The following HIVEP3 variants were observed in gnomAD, a reference collection of about 807,000 sequenced individuals.
The protein encoded by HIVEP3 is HIVEP zinc finger 3.
In HIVEP3, 49 loss-of-function variants were observed where a neutral mutation model predicts 152.8. That is an observed-to-expected ratio of 0.32 (90% confidence interval 0.26 to 0.41). The LOEUF is 0.41. HIVEP3 is among the 10% of genes least tolerant of loss of function. The pLI, the probability that HIVEP3 is intolerant of heterozygous loss-of-function variation, is 1.00. For missense variants in HIVEP3, 2,790 were observed against 3,103.3 expected, an observed-to-expected ratio of 0.90 and a Z score of 2.40; for synonymous variants, 1,269 against 1,289.0, an observed-to-expected ratio of 0.98 and a Z score of 0.33.
chr1:41,943,049 G>A (rs1004081254), intron 1 of HIVEP3, among the ~76,000 whole-genome samples: 11 of 152,192 alleles, frequency 7.2e-5, no homozygotes, highest in Admixed American at 2.0e-4. Context: ...ACAGGCGCCC[G>A]CCATCACGCC....
At chr1:41,814,024 C>T (rs538614985) in intron 1 of HIVEP3, among the ~76,000 whole-genome samples, 9 of 152,350 alleles carry the variant, frequency 5.9e-5, no homozygotes, top group South Asian at 2.1e-4. Context: ...CACCCCTACA[C>T]GGTCCATCCT....
intron 1 of HIVEP3, among the ~76,000 whole-genome samples, chr1:41,722,558 T>G: frequency 7.6e-6 from 1 of 132,368 alleles, no homozygotes; most frequent in Non-Finnish European, 1.6e-5. Context: ...CCTTCCCTCC[T>G]TCCCTTCCTT....
Position 41,977,357 on chromosome 1 carries a change from C to G in HIVEP3, n.119+58450G>C, listed in dbSNP as rs539002896. 2.5e-4 allele frequency among the ~76,000 whole-genome samples: 38 copies of G among 152,220 alleles called. No homozygotes were observed. In the South Asian group the frequency reaches 7.5e-3, roughly 30 times the overall value. On this transcript the variant is annotated intron_variant and non_coding_transcript_variant, in intron 1 of 3. Coordinates refer to the HIVEP3 transcript ENST00000489103. ...GTGAGCTGCCACCTGCTGCTACCAC[C>G]AAATAAGGGAACACAGCTACCCCAG...
intron 5 of HIVEP3, among the ~76,000 whole-genome samples, chr1:41,534,254 G>T (rs919456351): frequency 6.6e-6 from 1 of 152,068 alleles, no homozygotes; most frequent in Non-Finnish European, 1.5e-5. Context: ...CCATCGGAGC[G>T]AAGCCCTGCA....
At chr1:41,663,623 T>G (rs972509472) in intron 2 of HIVEP3, among the ~76,000 whole-genome samples, 2 of 152,044 alleles carry the variant, frequency 1.3e-5, no homozygotes, top group African/African-American at 4.8e-5. Flanking sequence ...TCAGAGCAAA[T>G]AGACTCCTCC....
chr1:41,512,893 G>T lies in HIVEP3; in HGVS notation c.6328C>A (p.Pro2110Thr). ...GEHGPGLGLD[P>T]RVLFPPAPLP... The stretch of plus-strand genomic sequence containing the variant: ...GGCGCGGGCGGGAAGAGAACCCGTG[G>T]GTCCAGCCCCAAGCCTGGGCCATGC... Residue 2110 changes from proline to threonine, a missense_variant, in exon 8 of 9, where the codon CCA (proline) becomes ACA (threonine). This residue lies in a region of HIVEP3 where 816 missense variants were observed against 806.5 expected (regional missense o/e 1.01). Transcript: ENST00000372583. The T allele has an allele frequency of 6.4e-7, 1 of 1,572,614 alleles. No homozygotes were observed. The highest frequency in any genetic ancestry group is 8.6e-7 in the Non-Finnish European group (1 of 1,157,926).
intron 1 of HIVEP3, among the ~76,000 whole-genome samples, chr1:41,962,183 G>A (rs1218484541): frequency 6.6e-6 from 1 of 152,168 alleles, no homozygotes; most frequent in South Asian, 2.1e-4. Flanking sequence ...TACAAAAGAG[G>A]AAAGGGCAAT....
At chr1:41,836,774 C>A (rs551306785) in intron 1 of HIVEP3, among the ~76,000 whole-genome samples, 5 of 152,238 alleles carry the variant, frequency 3.3e-5, no homozygotes, top group Non-Finnish European at 7.3e-5. Flanking sequence ...TTCACCCACC[C>A]ATGTCTAAAC....
At chr1:41,657,075 G>A (rs1645639019) in intron 2 of HIVEP3, among the ~76,000 whole-genome samples, 1 of 152,224 alleles carries the variant, frequency 6.6e-6, no homozygotes. Context: ...GCTTCTTGGG[G>A]ATGCAGACTC....
chr1:42,010,932 T>C (rs1444997073), intron 1 of HIVEP3, among the ~76,000 whole-genome samples: 1 of 152,168 alleles, frequency 6.6e-6, no homozygotes, highest in Non-Finnish European at 1.5e-5. Context: ...CCATATGTGC[T>C]AATTCCTAGC....
intron 1 of HIVEP3, among the ~76,000 whole-genome samples, chr1:41,769,380 C>T (rs1325920759): frequency 6.6e-6 from 1 of 152,210 alleles, no homozygotes; most frequent in Non-Finnish European, 1.5e-5. Context: ...CCCTGTCCCA[C>T]TAAATGTGTC....
At chr1:41,948,193 T>C (rs1645085473) in intron 1 of HIVEP3, among the ~76,000 whole-genome samples, 1 of 152,204 alleles carries the variant, frequency 6.6e-6, no homozygotes, top group African/African-American at 2.4e-5. Context: ...TATGCAGTGG[T>C]CAGTGATAAT....
intron 1 of HIVEP3, among the ~76,000 whole-genome samples, chr1:41,998,362 T>C (rs1205506044): frequency 6.6e-6 from 1 of 152,178 alleles, no homozygotes; most frequent in Admixed American, 6.5e-5. Flanking sequence ...TCACAATCAC[T>C]ATGTCTCCTT....
At chr1:42,035,622 C>A (rs761187483) in intron 1 of HIVEP3, among the ~76,000 whole-genome samples, 2 of 151,958 alleles carry the variant, frequency 1.3e-5, no homozygotes, top group Non-Finnish European at 2.9e-5. Flanking sequence ...ACGGGGGACC[C>A]CAGCTGAGGG....
intron 1 of HIVEP3, among the ~76,000 whole-genome samples, chr1:42,032,844 T>C (rs1303504130): frequency 6.6e-6 from 1 of 152,176 alleles, no homozygotes; most frequent in Non-Finnish European, 1.5e-5. Context: ...TCTCCCGGAT[T>C]TGGCCTTTCT....
chr1:41,739,575 T>C (rs1170131551), intron 1 of HIVEP3, among the ~76,000 whole-genome samples: 1 of 152,044 alleles, frequency 6.6e-6, no homozygotes, highest in Non-Finnish European at 1.5e-5. Context: ...AAATTGGGGT[T>C]GCCCCCACCC....
At chr1:41,847,419 C>T (rs77880721) in intron 1 of HIVEP3, 18 of 152,288 alleles carry the variant, frequency 1.2e-4, no homozygotes, top group African/African-American at 4.1e-4. Flanking sequence ...TATTGTGACA[C>T]TACACTTACA....
At chr1:41,940,283 G>C (rs1645039641) in intron 1 of HIVEP3, among the ~76,000 whole-genome samples, 1 of 152,106 alleles carries the variant, frequency 6.6e-6, no homozygotes, top group Non-Finnish European at 1.5e-5. Flanking sequence ...TAAGTTATTT[G>C]TCATATCAGA....
chr1:41,508,041 G>A lies in HIVEP3; in HGVS notation c.*2410C>T, dbSNP rs1191199258. On this transcript the variant is annotated 3_prime_UTR_variant, in exon 9 of 9. Coordinates refer to ENST00000372583, the MANE Select transcript of HIVEP3 (RefSeq NM_024503.5). ...CTGCCGGCTGCACTGTTCATTGCTAGGCTGCCCAGGGAGGAAACCTTGGGT... is the reference window on the plus strand; with the variant it reads ...CTGCCGGCTGCACTGTTCATTGCTAAGCTGCCCAGGGAGGAAACCTTGGGT... 2 of 152,320 alleles carry A rather than the reference G, an allele frequency of 1.3e-5. No individual in the cohort carries two copies. The highest frequency in any genetic ancestry group is 4.8e-5 in the African/African-American group (2 of 41,438). The allele number at this position is 152,320 out of a possible 1,614,324, so 9.4% of individuals were successfully genotyped here. A position where few individuals can be genotyped will look rare whatever the true frequency, so the allele number is the denominator to read the frequency against.
Sources: allele counts gnomAD v4.1 joint callset (sites outside exome capture counted in the v4.1 genomes callset), GRCh38; gene constraint gnomAD v4.1.1; regional missense constraint gnomAD v4.1.1; transcripts MANE v1.5; gene names NCBI Gene and HGNC (gene_info 2026-07-23, HGNC 2026-07-21).